Variants in FAM234B observed in about 807,000 individuals in gnomAD.
FAM234B encodes the protein family with sequence similarity 234 member B.
FAM234B carries 33 observed loss-of-function variants against 69.3 expected under a neutral mutation model. The ratio of observed to expected loss-of-function variants is 0.48; its 90% CI spans 0.36 to 0.64. The LOEUF is 0.64. Among genes scored for constraint, FAM234B ranks in the 30% least tolerant of loss-of-function variants. The pLI is 0.00. For missense variants in FAM234B, 697 were observed against 769.7 expected (o/e 0.91, Z 1.12); for synonymous variants, 306 against 306.9 (o/e 1.00, Z 0.03).
At chr12:13,072,148 A>T (rs1220757482) in intron 10 of FAM234B, among the ~76,000 whole-genome samples, 2 of 152,214 alleles carry the variant, frequency 1.3e-5, no homozygotes, top group Admixed American at 1.3e-4. Flanking sequence ...TGGTCCACAG[A>T]TAATGGGGGG....
At chr12:13,046,202 G>A (rs1864810180) in intron 1 of FAM234B, among the ~76,000 whole-genome samples, 1 of 96,696 alleles carries the variant, frequency 1.0e-5, no homozygotes, top group Admixed American at 1.0e-4. Flanking sequence ...GATCTCGGAA[G>A]CTAAGCAGGG....
At chr12:13,063,687 C>G (rs1226171125) in intron 5 of FAM234B, among the ~76,000 whole-genome samples, 1 of 152,202 alleles carries the variant, frequency 6.6e-6, no homozygotes, top group Non-Finnish European at 1.5e-5. Context: ...TCCCCCAAAT[C>G]ACAGGAAGGA....
At chr12:13,047,224 A>G (rs911801401) in intron 1 of FAM234B, among the ~76,000 whole-genome samples, 1 of 152,244 alleles carries the variant, frequency 6.6e-6, no homozygotes, top group Non-Finnish European at 1.5e-5. Flanking sequence ...GCAGAAGGCC[A>G]ATATGACATT....
chr12:13,063,117 G>GAATTTAA (rs1476196589), intron 5 of FAM234B, 142 bp downstream of exon 5: 4 of 1,013,068 alleles, frequency 3.9e-6, no homozygotes, highest in Non-Finnish European at 5.8e-6. Flanking sequence ...CTCTTTGTGA[G>GAATTTAA]GTTAAGTGAA....
At chr12:13,048,531 T>C (rs559891346) in intron 1 of FAM234B, among the ~76,000 whole-genome samples, 1 of 90,272 alleles carries the variant, frequency 1.1e-5, no homozygotes, top group East Asian at 8.6e-4. Flanking sequence ...CTCTTTTCTG[T>C]TATCCTCTTT....
intron 1 of FAM234B, among the ~76,000 whole-genome samples, chr12:13,050,815 A>C (rs939045452): frequency 6.6e-6 from 1 of 152,242 alleles, no homozygotes; most frequent in African/African-American, 2.4e-5. Context: ...TGCCTGGGAC[A>C]GTAGGCACTC....
At chr12:13,079,567 A>T (rs1865200962) in intron 11 of FAM234B, among the ~76,000 whole-genome samples, 1 of 152,184 alleles carries the variant, frequency 6.6e-6, no homozygotes, top group South Asian at 2.1e-4. Flanking sequence ...GCTTCAGAGG[A>T]GTAAAGGTGC....
Position 13,067,283 on chromosome 12 carries a change from A to G in FAM234B, c.1129A>G (p.Ile377Val), listed in dbSNP as rs1171863301. Residue 377 changes from isoleucine to valine, a missense_variant, in exon 7 of 13, where the codon ATT (isoleucine) becomes GTT (valine). Ile to Val is a conservative substitution (Grantham distance 29, BLOSUM62 3). Around this residue, in one of 3 missense-constraint regions of FAM234B, gnomAD observed 313 missense variants for 305.5 expected, o/e 1.02. Coordinates refer to ENST00000197268, the MANE Select transcript of FAM234B (RefSeq NM_020853.2). This position sits in a 1 kb window ranked among gnomAD's most constrained non-coding sequence, Gnocchi z 4.7. ...KRRSINLSEL[I>V]DVYSDGVELL... Reference sequence around the variant, plus strand: ...AAGATCCATCAACCTGTCTGAGCTCATTGATGTTTACAGGTAGGGCAGACG... The same window carrying G: ...AAGATCCATCAACCTGTCTGAGCTCGTTGATGTTTACAGGTAGGGCAGACG... 3 of 1,613,968 alleles carry G rather than the reference A, an allele frequency of 1.9e-6. No homozygotes were observed. The highest frequency in any genetic ancestry group is 1.7e-6 in the Non-Finnish European group (2 of 1,179,854).
chr12:13,045,620 A>T (rs749636575), intron 1 of FAM234B, among the ~76,000 whole-genome samples: 4 of 152,034 alleles, frequency 2.6e-5, no homozygotes, highest in Admixed American at 6.6e-5. Flanking sequence ...CCTCAGACAG[A>T]TTATTATTTT....
Position 13,061,732 on chromosome 12 carries a change from C to T in FAM234B, c.690C>T (p.His230=). ...AETICLVTGT[H]KMLSAFNATS... is the part of the protein sequence containing the mutation. ...CCATCTGCCTTGTGACAGGGACACA[C>T]AAGATGCTCAGCGCATTCAATGCAA... Residue 230 remains histidine (H), a synonymous_variant, in exon 4 of 13, where the codon CAC becomes CAT. Coordinates refer to ENST00000197268, the MANE Select transcript of FAM234B (RefSeq NM_020853.2). The T allele has an allele frequency of 6.2e-7, 1 of 1,614,068 alleles. No individual in the cohort carries two copies. Among genetic ancestry groups the T allele is most frequent in the Non-Finnish European group, 8.5e-7 (1 of 1,179,994 alleles).
At position 13,055,496 on chromosome 12, in the gene FAM234B, G is replaced by T. The variant is rs144306238; in HGVS notation, c.38-55G>T. 8 of 1,471,008 alleles carry T rather than the reference G, an allele frequency of 5.4e-6. No homozygotes were observed. The African/African-American group carries it at 9.8e-5, about 18-fold the overall frequency. 91.1% of individuals were successfully genotyped at this position (1,471,008 alleles called of 1,614,324 possible). A position where few individuals can be genotyped will look rare whatever the true frequency, so the allele number is the denominator to read the frequency against. On this transcript the variant is annotated intron_variant, in intron 1 of 12. Transcript: ENST00000197268. ...GGTATTTACAGTTGCCATATATTTG[G>T]TGAGGGTGTCTTCTCCCCAGTTCCC...
At chr12:13,064,437 GT>G (rs1242396035) in intron 5 of FAM234B, among the ~76,000 whole-genome samples, 1 of 152,140 alleles carries the variant, frequency 6.6e-6, no homozygotes, top group African/African-American at 2.4e-5. Context: ...AGAAATCTTG[GT>G]CTAACCATCC....
intron 4 of FAM234B, 168 bp from the exon 5 acceptor site, chr12:13,062,677 C>A: frequency 1.7e-6 from 1 of 589,908 alleles, no homozygotes; most frequent in Non-Finnish European, 3.0e-6. Context: ...ATCACACTGC[C>A]TGCTTCCTCC....
chr12:13,061,234 A>G (rs2120470623), intron 3 of FAM234B, among the ~76,000 whole-genome samples: 1 of 152,206 alleles, frequency 6.6e-6, no homozygotes, highest in Middle Eastern at 3.4e-3. Flanking sequence ...GTAGGTACAG[A>G]GATTAGTGAG....
intron 1 of FAM234B, among the ~76,000 whole-genome samples, chr12:13,046,475 T>C (rs1864814016): frequency 6.6e-6 from 1 of 152,060 alleles, no homozygotes; most frequent in Admixed American, 6.5e-5. Context: ...TGTTTGTTTT[T>C]TTGAGACGGA....
intron 1 of FAM234B, among the ~76,000 whole-genome samples, chr12:13,055,346 T>G (rs1864916889): frequency 6.6e-6 from 1 of 152,254 alleles, no homozygotes; most frequent in African/African-American, 2.4e-5. Flanking sequence ...CCTGGAGCAC[T>G]GTGCTTTTGT....
intron 5 of FAM234B, among the ~76,000 whole-genome samples, chr12:13,063,586 C>T (rs1008291149): frequency 2.0e-5 from 3 of 152,204 alleles, no homozygotes; most frequent in Non-Finnish European, 4.4e-5. Context: ...TGATTCAGGA[C>T]AGTGGCCCTT....
intron 2 of FAM234B, 28 bp downstream of exon 2, chr12:13,055,974 C>T (rs537776416): frequency 6.0e-6 from 9 of 1,511,132 alleles, no homozygotes; most frequent in Non-Finnish European, 7.9e-6. Flanking sequence ...CAGCCCTAAT[C>T]CTGTGAAACT....
intron 10 of FAM234B, 22 bp downstream of exon 10, chr12:13,071,418 C>T (rs745483358): frequency 6.2e-7 from 1 of 1,610,682 alleles, no homozygotes; most frequent in Non-Finnish European, 8.5e-7. Flanking sequence ...TGGGAGGGTC[C>T]CTTTTTTACT....
Sources: gnomAD v4.1 joint callset for allele counts (sites outside exome capture counted in the v4.1 genomes callset) on GRCh38, gnomAD v4.1.1 for gene constraint, gnomAD v4.1.1 regional missense constraint, Gnocchi (gnomAD v3.1) non-coding constraint, MANE v1.5 for transcripts, NCBI Gene and HGNC (gene_info 2026-07-23, HGNC 2026-07-21) for gene names.